Variants in SUMF2 observed in about 807,000 individuals in gnomAD.
SUMF2 encodes inactive C-alpha-formylglycine-generating enzyme 2.
In SUMF2, 45 loss-of-function variants were observed where a neutral mutation model predicts 44.8. The observed-to-expected ratio is 1.00, with a 90% CI of 0.79 to 1.29. The LOEUF (loss-of-function observed/expected upper bound fraction) is 1.29. Among genes scored for constraint, SUMF2 ranks in the 50% most tolerant of loss-of-function variants. The pLI, the probability that SUMF2 is intolerant of heterozygous loss-of-function variation, is 0.00. For synonymous variants in SUMF2, 148 were observed against 150.4 expected (o/e 0.98, Z 0.12); for missense variants, 418 against 389.9 (o/e 1.07, Z -0.61).
At position 56,073,330 on chromosome 7, in the gene SUMF2, G is replaced by C. The variant is rs75338979; in HGVS notation, c.339+219G>C. 2.7e-3 allele frequency: 1,595 copies of C among 596,742 alleles called. 13 individuals carry two copies. Among genetic ancestry groups the C allele is most frequent in the African/African-American group, 0.025 (1,357 of 54,476 alleles). The allele number at this position is 596,742 out of a possible 1,614,324, so 37.0% of individuals were successfully genotyped here. A position where few individuals can be genotyped will look rare whatever the true frequency, so the allele number is the denominator to read the frequency against. On this transcript the variant is annotated intron_variant, in intron 3 of 8. Coordinates refer to ENST00000434526, the MANE Select transcript of SUMF2 (RefSeq NM_015411.4). ...GCTCTTGCCTAAATGTCCAAGTCAG[G>C]ATAGGATCCAAGGAACTTGAATCAA...
At chr7:56,081,711 C>T (rs747445152), downstream of SUMF2, 10 of 1,613,838 alleles carry the variant, frequency 6.2e-6, no homozygotes, top group East Asian at 2.2e-5. The surrounding 1 kb of genome is among the most constrained non-coding windows in gnomAD (Gnocchi z 4.6). Context: ...AGGCCTCTTC[C>T]GCTGTGTAGC....
rs879521418 is a variant in SUMF2, at chr7:56,068,869, A to AT, written c.224+244dup. On this transcript the variant is annotated intron_variant, in intron 2 of 8. Transcript: ENST00000434526. ...AGGTGTTCACCACCACGCCCGGCTA[A>AT]TTTTTTTTTTTTTGTATTTTTTTAG... Among the ~76,000 whole-genome samples the AT allele has an allele frequency of 4.5e-3, 653 of 143,518 alleles. 10 individuals are homozygous for AT. Among genetic ancestry groups the AT allele is most frequent in the African/African-American group, 0.013 (529 of 39,384 alleles). The allele number at this position is 143,518 out of a possible 152,430, so 94.2% of individuals were successfully genotyped here. A position where few individuals can be genotyped will look rare whatever the true frequency, so the allele number is the denominator to read the frequency against.
At chr7:56,074,276 C>T (rs1462432443) in intron 4 of SUMF2, 58 bp downstream of exon 4, 21 of 1,522,560 alleles carry the variant, frequency 1.4e-5, no homozygotes, top group Middle Eastern at 1.8e-4. Flanking sequence ...ATTCTCCAGG[C>T]CCAGCCTCCT....
At chr7:56,081,472 G>A (rs1359440351), downstream of SUMF2, among the ~76,000 whole-genome samples, 1 of 152,158 alleles carries the variant, frequency 6.6e-6, no homozygotes, top group Non-Finnish European at 1.5e-5. The surrounding 1 kb of genome is among the most constrained non-coding windows in gnomAD (Gnocchi z 4.6). Context: ...CCGAGCCAGT[G>A]GGCTGACACC....
Position 56,074,072 on chromosome 7 carries a change from G to A in SUMF2, c.340-102G>A, listed in dbSNP as rs751153437. On this transcript the variant is annotated intron_variant, in intron 3 of 8. Transcript: ENST00000434526. ...AGCCACAACCTCACTTAGACCACCTGAGTCTCAGCCTGACGTCTCTGTTCT... is the reference window on the plus strand; with the variant it reads ...AGCCACAACCTCACTTAGACCACCTAAGTCTCAGCCTGACGTCTCTGTTCT... 3 of 822,732 alleles carry A rather than the reference G, an allele frequency of 3.6e-6. No homozygotes were observed. The African/African-American group carries it at 5.2e-5, about 14-fold the overall frequency. 51.0% of individuals were successfully genotyped at this position (822,732 alleles called of 1,614,324 possible).
At chr7:56,071,953 A>T (rs186580818) in intron 2 of SUMF2, among the ~76,000 whole-genome samples, 412 of 149,510 alleles carry the variant, frequency 2.8e-3, no homozygotes, top group Middle Eastern at 0.011. Context: ...TACTAAAAAG[A>T]CAAAAATTAG....
At position 56,078,157 on chromosome 7, in the gene SUMF2, T is replaced by C. The variant is rs759464325; in HGVS notation, c.647T>C (p.Val216Ala). ...GATGGCTTCCATGGAGTCTCCCCAG[T>C]GAATGCTTTCCCCGCCCAGAACAAC... ...AEDGFHGVSP[V>A]NAFPAQNNYG... Residue 216 changes from valine (V) to alanine (A), a missense_variant, in exon 7 of 9, where the codon GTG becomes GCG. Transcript: ENST00000434526. 9 of 1,612,590 alleles carry C rather than the reference T, an allele frequency of 5.6e-6. No homozygotes were observed. Among genetic ancestry groups the C allele is most frequent in the Middle Eastern group, 1.6e-4 (1 of 6,072 alleles).
At chr7:56,087,666 C>T in the SUMF2 span, 651 of 1,613,860 alleles carry the variant, frequency 4.0e-4, 2 homozygotes, top group Non-Finnish European at 4.5e-4. Context: ...TCGCAGCTCC[C>T]GCACCTCCTC....
chr7:56,079,409 TC>T (rs1222842148), intron 8 of SUMF2, 118 bp from the exon 9 acceptor site: 2 of 1,010,546 alleles, frequency 2.0e-6, no homozygotes, highest in East Asian at 4.8e-5. Context: ...GACCATGCTC[TC>T]CCCAGCCCTC....
At chr7:56,074,259 G>C (rs1486776455) in intron 4 of SUMF2, 41 bp downstream of exon 4, 1 of 1,594,566 alleles carries the variant, frequency 6.3e-7, no homozygotes. Context: ...ACCCCTGCTT[G>C]ACTCTTATTC....
At chr7:56,066,282 G>A (rs1794794760) in intron 1 of SUMF2, among the ~76,000 whole-genome samples, 1 of 152,098 alleles carries the variant, frequency 6.6e-6, no homozygotes, top group Non-Finnish European at 1.5e-5. Context: ...CTGTGAAGTG[G>A]TGCATCAGCT....
chr7:56,087,726 TC>T, the SUMF2 span: 3 of 1,613,704 alleles, frequency 1.9e-6, no homozygotes, highest in Non-Finnish European at 2.5e-6. Context: ...CACGGCGTAC[TC>T]CTGGCTCGTG....
downstream of SUMF2, chr7:56,081,294 G>A (rs368535896): frequency 1.3e-4 from 206 of 1,607,826 alleles, no homozygotes; most frequent in Non-Finnish European, 1.7e-4. This position sits in a 1 kb window ranked among gnomAD's most constrained non-coding sequence, Gnocchi z 4.6. Flanking sequence ...CGGTCAGAGC[G>A]ATCACCTGCA....
Position 56,075,418 on chromosome 7 carries a change from C to G in SUMF2, c.535+682C>G, listed in dbSNP as rs527705151. ...AATGTTAAGAGTCACTGTTTGCGGC[C>G]GGGCGCAGTGGCTCACGCCTGTAAT... On this transcript the variant is annotated intron_variant, in intron 5 of 8. Coordinates refer to ENST00000434526, the MANE Select transcript of SUMF2 (RefSeq NM_015411.4). Among the ~76,000 whole-genome samples, 3 of 151,800 alleles carry G rather than the reference C, an allele frequency of 2.0e-5. 1 individual carries two copies. The South Asian group carries it at 6.3e-4, about 32-fold the overall frequency.
chr7:56,067,894 G>GAAAAA (rs71015177), intron 1 of SUMF2, among the ~76,000 whole-genome samples: 1 of 72,828 alleles, frequency 1.4e-5, no homozygotes. Context: ...ATCCTGTCAC[G>GAAAAA]AAAAAAAAAA....
chr7:56,085,252 T>C (rs1796203911), downstream of SUMF2, among the ~76,000 whole-genome samples: 1 of 152,130 alleles, frequency 6.6e-6, no homozygotes, highest in Middle Eastern at 3.4e-3. Context: ...TGAACCACCA[T>C]GCCTGGCCTT....
chr7:56,081,904 C>T (rs149784104), downstream of SUMF2: 188 of 1,613,286 alleles, frequency 1.2e-4, no homozygotes, highest in Middle Eastern at 3.3e-4. The surrounding 1 kb of genome is among the most constrained non-coding windows in gnomAD (Gnocchi z 4.6). Context: ...AGGTCCTTCA[C>T]GGTGTCCGAG....
At chr7:56,085,314 T>TCTCAAACTCCTGGC (rs1796206952), downstream of SUMF2, among the ~76,000 whole-genome samples, 1 of 152,080 alleles carries the variant, frequency 6.6e-6, no homozygotes, top group Non-Finnish European at 1.5e-5. Flanking sequence ...CCCAGGCTGG[T>TCTCAAACTCCTGGC]CTCAAACTCC....
chr7:56,079,868 T>C lies in SUMF2; in HGVS notation c.*256T>C, dbSNP rs1310690369. ...TGTTTCTGTTAGAGGCCAAGTATTA[T>C]TGACACAGGATTGCAAACACACAAA... On this transcript the variant is annotated 3_prime_UTR_variant, in exon 9 of 9. Coordinates refer to ENST00000434526, the MANE Select transcript of SUMF2 (RefSeq NM_015411.4). 2 of 1,544,276 alleles carry C rather than the reference T, an allele frequency of 1.3e-6. No individual in the cohort carries two copies. Among genetic ancestry groups the C allele is most frequent in the East Asian group, 2.5e-5 (1 of 40,792 alleles).
Sources: allele counts gnomAD v4.1 joint callset (sites outside exome capture counted in the v4.1 genomes callset), GRCh38; gene constraint gnomAD v4.1.1; non-coding constraint Gnocchi (gnomAD v3.1); transcripts MANE v1.5; gene names NCBI Gene and HGNC (gene_info 2026-07-23, HGNC 2026-07-21).